Variants in CAPRIN1 observed in about 807,000 individuals in gnomAD.
The protein encoded by CAPRIN1 is caprin-1.
Under a neutral mutation model 100.9 loss-of-function variants are expected in CAPRIN1, and 29 were observed. The ratio of observed to expected loss-of-function variants is 0.29; its 90% CI spans 0.21 to 0.39. The LOEUF (loss-of-function observed/expected upper bound fraction) is 0.39. CAPRIN1 is among the 10% of genes least tolerant of loss of function. CAPRIN1 has a pLI of 1.00. For missense variants in CAPRIN1, 795 were observed against 876.7 expected (o/e 0.91, Z 1.18); for synonymous variants, 338 against 307.5 (o/e 1.10, Z -1.04).
Position 34,090,522 on chromosome 11 carries a change from T to C in CAPRIN1, c.1405-7T>C. The C allele has an allele frequency of 6.2e-7, 1 of 1,609,594 alleles. No homozygotes were observed. The highest frequency in any genetic ancestry group is 8.5e-7 in the Non-Finnish European group (1 of 1,176,330). On this transcript the variant is annotated splice_region_variant and splice_polypyrimidine_tract_variant and intron_variant, in intron 13 of 18. Transcript: ENST00000341394. ...CGCTAAAGTGCATCTATTCACTTTGTGTTTAGGCAACAATCTCTTTAAATA... is the reference window on the plus strand; with the variant it reads ...CGCTAAAGTGCATCTATTCACTTTGCGTTTAGGCAACAATCTCTTTAAATA...
chr11:34,066,523 G>A lies in CAPRIN1; in HGVS notation c.217-5203G>A, dbSNP rs138283032. On this transcript the variant is annotated intron_variant, in intron 2 of 18. Coordinates refer to ENST00000341394, the MANE Select transcript of CAPRIN1 (RefSeq NM_005898.5). ...TCATTTTTGTATTTTTAGTAGAGAC[G>A]GGGTTTCACCGTATTGGCCAGGCTG... Among the ~76,000 whole-genome samples, 691 of 151,720 alleles carry A rather than the reference G, an allele frequency of 4.6e-3. 6 individuals carry two copies. Among genetic ancestry groups the A allele is most frequent in the African/African-American group, 0.016 (676 of 41,320 alleles).
chr11:34,055,384 G>C (rs1850429221), intron 2 of CAPRIN1, among the ~76,000 whole-genome samples: 1 of 152,158 alleles, frequency 6.6e-6, no homozygotes, highest in East Asian at 1.9e-4. Context: ...GTGCGACGAT[G>C]TGATCTCGGT....
In CAPRIN1 at chr11:34,071,730, A is replaced by G; in HGVS notation, c.221A>G (p.Lys74Arg). ...KLRNLEKKKG[K>R]LDDYQERMNK... ...CTTTTTTTTCTTTTAACATAGGGTA[A>G]GCTTGATGATTACCAGGAACGAATG... Residue 74 changes from lysine to arginine, a missense_variant, in exon 3 of 19, where the codon AAG becomes AGG. Coordinates refer to ENST00000341394, the MANE Select transcript of CAPRIN1 (RefSeq NM_005898.5). 6.2e-7 allele frequency: 1 copy of G among 1,609,430 alleles called. No individual in the cohort carries two copies. Among genetic ancestry groups the G allele is most frequent in the South Asian group, 1.1e-5 (1 of 90,976 alleles).
At chr11:34,053,327 C>G (rs1176728442) in intron 2 of CAPRIN1, 1 of 194,806 alleles carries the variant, frequency 5.1e-6, no homozygotes, top group African/African-American at 2.4e-5. Flanking sequence ...AGCTCAATCG[C>G]GAGATGATTT....
rs916287363 is a variant in CAPRIN1, at chr11:34,100,145, C to A, written c.*778C>A. 1.3e-5 allele frequency: 2 copies of A among 152,410 alleles called. No homozygotes were observed. Among genetic ancestry groups the A allele is most frequent in the Non-Finnish European group, 2.9e-5 (2 of 68,024 alleles). The allele number at this position is 152,410 out of a possible 1,614,324, so 9.4% of individuals were successfully genotyped here. On this transcript the variant is annotated 3_prime_UTR_variant, in exon 19 of 19. Coordinates refer to ENST00000341394, the MANE Select transcript of CAPRIN1 (RefSeq NM_005898.5). ...TTTAGATACCTTTTTGAACACTTAA[C>A]AGTTTCTTTGAGACAATGACTTTTG...
At chr11:34,079,219 G>A (rs902381349) in intron 6 of CAPRIN1, among the ~76,000 whole-genome samples, 4 of 152,170 alleles carry the variant, frequency 2.6e-5, no homozygotes, top group African/African-American at 9.7e-5. Flanking sequence ...AGGCAACATG[G>A]TAAAACCTTG....
intron 7 of CAPRIN1, among the ~76,000 whole-genome samples, chr11:34,080,422 C>T (rs1851004963): frequency 2.0e-5 from 3 of 152,090 alleles, no homozygotes; most frequent in Admixed American, 6.6e-5. Context: ...GTCTGACATG[C>T]CCAGATTTGC....
intron 2 of CAPRIN1, among the ~76,000 whole-genome samples, chr11:34,055,425 C>T (rs1590716789): frequency 6.6e-6 from 1 of 152,166 alleles, no homozygotes; most frequent in African/African-American, 2.4e-5. Flanking sequence ...TGGGTTCAAG[C>T]GATTCTCCTG....
chr11:34,072,928 A>G (rs1850830550), intron 4 of CAPRIN1, among the ~76,000 whole-genome samples: 1 of 152,234 alleles, frequency 6.6e-6, no homozygotes, highest in Non-Finnish European at 1.5e-5. Flanking sequence ...TACAGTAGTC[A>G]GTACAGTAAC....
Position 34,060,153 on chromosome 11 carries a change from G to T in CAPRIN1, c.216+7517G>T, listed in dbSNP as rs570033170. Reference sequence around the variant, plus strand: ...AGACGTTGCAGTGAGCCGAGATCGCGCCACTGTTCTTTAGCCTGGGCAACA... The same window carrying T: ...AGACGTTGCAGTGAGCCGAGATCGCTCCACTGTTCTTTAGCCTGGGCAACA... On this transcript the variant is annotated intron_variant, in intron 2 of 18. Coordinates refer to ENST00000341394, the MANE Select transcript of CAPRIN1 (RefSeq NM_005898.5). Among the ~76,000 whole-genome samples, 3 of 130,454 alleles carry T rather than the reference G, an allele frequency of 2.3e-5. No homozygotes were observed. In the East Asian group the frequency reaches 7.0e-4, roughly 31 times the overall value. 85.6% of individuals were successfully genotyped at this position (130,454 alleles called of 152,430 possible). A position where few individuals can be genotyped will look rare whatever the true frequency, so the allele number is the denominator to read the frequency against.
chr11:34,085,438 C>T (rs1230416147), intron 9 of CAPRIN1, among the ~76,000 whole-genome samples: 2 of 148,280 alleles, frequency 1.3e-5, no homozygotes, highest in African/African-American at 4.8e-5. Context: ...CTATAGAAGG[C>T]ATAACAGTTT....
intron 9 of CAPRIN1, among the ~76,000 whole-genome samples, chr11:34,084,622 G>A (rs1006758362): frequency 6.6e-6 from 1 of 152,120 alleles, no homozygotes; most frequent in Non-Finnish European, 1.5e-5. Context: ...GAGTACTGGA[G>A]GATAAGTGAA....
chr11:34,086,435 T>C (rs1851146391), intron 11 of CAPRIN1, 22 bp downstream of exon 11: 3 of 1,391,032 alleles, frequency 2.2e-6, no homozygotes, highest in South Asian at 2.5e-5. Context: ...TACATTTTTA[T>C]GTGAGAGAGA....
intron 12 of CAPRIN1, chr11:34,089,939 T>G (rs1301218195): frequency 1.1e-5 from 3 of 278,764 alleles, no homozygotes; most frequent in Non-Finnish European, 6.7e-6. Context: ...TAGAAGTACT[T>G]GTGGAGGGCT....
At chr11:34,091,413 A>G (rs1416258363) in intron 14 of CAPRIN1, among the ~76,000 whole-genome samples, 5 of 152,088 alleles carry the variant, frequency 3.3e-5, no homozygotes, top group Non-Finnish European at 5.9e-5. Context: ...CAGCCTTTGG[A>G]GTAGCTGACA....
At chr11:34,074,435 C>T (rs908367576) in intron 4 of CAPRIN1, among the ~76,000 whole-genome samples, 6 of 152,198 alleles carry the variant, frequency 3.9e-5, no homozygotes, top group African/African-American at 9.7e-5. Flanking sequence ...TCAAGAACTT[C>T]TTTAGCCTGG....
At chr11:34,064,446 T>C (rs1850645262) in intron 2 of CAPRIN1, among the ~76,000 whole-genome samples, 3 of 152,194 alleles carry the variant, frequency 2.0e-5, no homozygotes, top group African/African-American at 4.8e-5. Flanking sequence ...TCTTGAGTAG[T>C]CTGTGCTTTC....
rs568363073 is a variant in CAPRIN1, at chr11:34,052,387, C to G, written c.1-34C>G. On this transcript the variant is annotated intron_variant, in intron 1 of 18. Transcript: ENST00000341394. The stretch of plus-strand genomic sequence containing the variant: ...CTGACTGGCCGCTCTTGTCCTTCCT[C>G]CCGCTTTTTCTTCTCTCTCCTTGCG... The G allele has an allele frequency of 3.8e-6, 6 of 1,572,180 alleles. No homozygotes were observed. The Admixed American group carries it at 5.2e-5, about 14-fold the overall frequency.
chr11:34,058,379 T>C (rs1186104180), intron 2 of CAPRIN1, among the ~76,000 whole-genome samples: 2 of 152,084 alleles, frequency 1.3e-5, no homozygotes, highest in African/African-American at 4.8e-5. Flanking sequence ...TCAAGTGATC[T>C]GCACGCCTTG....
Sources: gnomAD v4.1 joint callset for allele counts (sites outside exome capture counted in the v4.1 genomes callset) on GRCh38, gnomAD v4.1.1 for gene constraint, MANE v1.5 for transcripts, NCBI Gene and HGNC (gene_info 2026-07-23, HGNC 2026-07-21) for gene names.